The following CARD8 variants were observed in gnomAD, a reference collection of about 807,000 sequenced individuals.
The protein encoded by CARD8 is caspase recruitment domain family member 8.
A neutral mutation model predicts 53.2 loss-of-function variants in CARD8; 38 were observed. That is an observed-to-expected ratio of 0.71 (90% CI 0.55 to 0.94). The LOEUF (loss-of-function observed/expected upper bound fraction) is 0.94. Ranked by LOEUF, CARD8 falls within the 40% of genes least tolerant of loss-of-function variation. The probability of loss-of-function intolerance (pLI) is 0.00; values close to 1 mark genes in which losing one functional copy is unlikely to be tolerated. For missense variants in CARD8, 561 were observed against 655.5 expected, an observed-to-expected ratio of 0.86 and a Z score of 1.57; for synonymous variants, 245 against 244.9, an observed-to-expected ratio of 1.00 and a Z score of 0.00.
rs747448942 is a variant in CARD8 at position 48,230,682 on chromosome 19, G to C, written c.791C>G (p.Ser264Cys). The change falls in exon 10 of 14, where the codon TCC (serine) becomes TGC (cysteine). Residue 264 changes from serine to cysteine, a missense_variant. Transcript: ENST00000651546. Reference sequence around the variant, plus strand: ...CTTAAAATGGGCAACGAGAAACCAGGAGACGTCCACCTCACCTGCTGCAGG... The same window carrying C: ...CTTAAAATGGGCAACGAGAAACCAGCAGACGTCCACCTCACCTGCTGCAGG... ...ISLQAGEVDV[S>C]WFLVAHFKNE... 6.8e-6 allele frequency: 11 copies of C among 1,613,834 alleles called. No individual in the cohort carries two copies. The Admixed American group carries it at 1.0e-4, about 15-fold the overall frequency.
At position 48,241,840 on chromosome 19, in the gene CARD8, T is replaced by C. The variant is rs552539469; in HGVS notation, c.-43-777A>G. Among the ~76,000 whole-genome samples, 126 of 152,308 alleles carry C rather than the reference T, an allele frequency of 8.3e-4. 1 individual carries two copies. The highest frequency in any genetic ancestry group is 2.9e-3 in the African/African-American group (122 of 41,560). On this transcript the variant is annotated intron_variant, in intron 3 of 13. Transcript: ENST00000651546. ...ATTTTTAAAATAATGGCTTTATGGATATATAGTTCACAAACCACACAATTC... is the reference window on the plus strand; with the variant it reads ...ATTTTTAAAATAATGGCTTTATGGACATATAGTTCACAAACCACACAATTC...
At chr19:48,246,524 C>T (rs1455022785) in intron 3 of CARD8, among the ~76,000 whole-genome samples, 1 of 152,010 alleles carries the variant, frequency 6.6e-6, no homozygotes, top group Non-Finnish European at 1.5e-5. Context: ...CTACACATGC[C>T]TGTATTTACT....
chr19:48,217,074 T>C (rs1256722925), intron 12 of CARD8, among the ~76,000 whole-genome samples: 2 of 151,752 alleles, frequency 1.3e-5, no homozygotes, highest in Non-Finnish European at 2.9e-5. Context: ...CACAATAGGG[T>C]TCGCGCTCCT....
chr19:48,249,070 G>A lies in CARD8; in HGVS notation c.-44+453C>T, dbSNP rs548680339. Among the ~76,000 whole-genome samples, 10 of 152,040 alleles carry A rather than the reference G, an allele frequency of 6.6e-5. No homozygotes were observed. The East Asian group carries it at 7.8e-4, about 12-fold the overall frequency. On this transcript the variant is annotated intron_variant, in intron 3 of 13. Transcript: ENST00000651546. Reference sequence around the variant, plus strand: ...AAATTAGTCGTGCGTGGTGGCGGGCGCCTGTCACCCCAGCTACTCGGGAGG... The same window carrying A: ...AAATTAGTCGTGCGTGGTGGCGGGCACCTGTCACCCCAGCTACTCGGGAGG...
chr19:48,220,840 G>A (rs548415175), intron 11 of CARD8, among the ~76,000 whole-genome samples: 1 of 152,036 alleles, frequency 6.6e-6, no homozygotes, highest in Admixed American at 6.6e-5. Context: ...GAACCTGGGA[G>A]GCGGCGGTTG....
Position 48,238,514 on chromosome 19 carries a change from C to T in CARD8, c.78G>A (p.Arg26=), listed in dbSNP as rs1239226364. The T allele has an allele frequency of 6.5e-7, 1 of 1,536,322 alleles. No homozygotes were observed. The highest frequency in any genetic ancestry group is 8.7e-7 in the Non-Finnish European group (1 of 1,146,976). The change falls in exon 5 of 14, where the codon AGG becomes AGA. Residue 26 remains arginine, a synonymous_variant. Transcript: ENST00000651546. ...ELPRRDSGSS[R]NIDASKLIRL... is the part of the protein sequence containing the mutation. ...TAATGAGTTTGGATGCATCTATGTTCCTACTGGATCCACTGTCCCTGGGAA... is the reference window on the plus strand; with the variant it reads ...TAATGAGTTTGGATGCATCTATGTTTCTACTGGATCCACTGTCCCTGGGAA...
chr19:48,246,253 T>C (rs2046089116), intron 3 of CARD8, among the ~76,000 whole-genome samples: 1 of 152,230 alleles, frequency 6.6e-6, no homozygotes, highest in South Asian at 2.1e-4. Flanking sequence ...TCTTCTGTGT[T>C]CAGTCAACAT....
rs970356267 is a variant in CARD8 at position 48,234,365 on chromosome 19, A to G, written c.350+38T>C. On this transcript the variant is annotated intron_variant, in intron 6 of 13. Coordinates refer to ENST00000651546, the MANE Select transcript of CARD8 (RefSeq NM_001184900.3). ...ATGTTCCTCTGTGATATTGAGACACAGCGTCCAATAGTTTTCCAACGGAAT... is the reference window on the plus strand; with the variant it reads ...ATGTTCCTCTGTGATATTGAGACACGGCGTCCAATAGTTTTCCAACGGAAT... 7 of 1,577,280 alleles carry G rather than the reference A, an allele frequency of 4.4e-6. No homozygotes were observed. In the African/African-American group the frequency reaches 6.8e-5, roughly 15 times the overall value.
downstream of CARD8, chr19:48,206,256 T>C: frequency 5.9e-6 from 2 of 337,794 alleles, no homozygotes; most frequent in Non-Finnish European, 1.2e-5. Flanking sequence ...CAGAAGAGTT[T>C]GGTGTTTTGA....
chr19:48,234,243 T>A, intron 6 of CARD8, 160 bp downstream of exon 6: 1 of 684,654 alleles, frequency 1.5e-6, no homozygotes, highest in Non-Finnish European at 2.4e-6. Flanking sequence ...TTGCTTAAGG[T>A]TTGTTTCAAA....
intron 1 of CARD8, among the ~76,000 whole-genome samples, chr19:48,250,573 T>A (rs1002064437): frequency 6.6e-6 from 1 of 152,240 alleles, no homozygotes; most frequent in Admixed American, 6.5e-5. Context: ...TCTAAAAGCA[T>A]TATTGATCAA....
intron 13 of CARD8, among the ~76,000 whole-genome samples, chr19:48,213,590 T>C (rs1423880207): frequency 6.6e-6 from 1 of 152,132 alleles, no homozygotes. Flanking sequence ...GCCAGGCTGG[T>C]CTCAAACTCC....
intron 3 of CARD8, among the ~76,000 whole-genome samples, chr19:48,243,960 CTTCT>C (rs1012367682): frequency 7.6e-4 from 99 of 130,628 alleles, no homozygotes; most frequent in African/African-American, 2.4e-3. Context: ...GGTCTACAGT[CTTCT>C]TTTTTTCATG....
At chr19:48,243,435 CAACTA>C (rs1443495319) in intron 3 of CARD8, among the ~76,000 whole-genome samples, 1 of 152,078 alleles carries the variant, frequency 6.6e-6, no homozygotes, top group Non-Finnish European at 1.5e-5. Context: ...TCACAGGTTC[CAACTA>C]AACAAATATT....
intron 1 of CARD8, among the ~76,000 whole-genome samples, chr19:48,252,045 A>G (rs761490339): frequency 7.9e-5 from 12 of 152,178 alleles, no homozygotes; most frequent in Non-Finnish European, 1.5e-4. Flanking sequence ...TTATTTCATC[A>G]TGCTACCCAA....
chr19:48,223,417 T>C (rs1393636844), intron 10 of CARD8, among the ~76,000 whole-genome samples: 1 of 152,138 alleles, frequency 6.6e-6, no homozygotes. Flanking sequence ...AATTTCATAT[T>C]GTATTGAGCA....
chr19:48,218,726 C>A, intron 12 of CARD8, 145 bp downstream of exon 12: 1 of 841,528 alleles, frequency 1.2e-6, no homozygotes, highest in Non-Finnish European at 1.9e-6. Flanking sequence ...GTTCCCCTCC[C>A]TGTGTCCATG....
At position 48,226,265 on chromosome 19, in the gene CARD8, G is replaced by T. The variant is rs1600295789; in HGVS notation, c.1035+4173C>A. On this transcript the variant is annotated intron_variant, in intron 10 of 13. Coordinates refer to ENST00000651546, the MANE Select transcript of CARD8 (RefSeq NM_001184900.3). The stretch of plus-strand genomic sequence containing the variant: ...TTTATTTAAGACAGAGTTTCGTTCT[G>T]TTGCCTGGAGTGCAGTGGCAAAATC... Among the ~76,000 whole-genome samples, 4 of 152,078 alleles carry T rather than the reference G, an allele frequency of 2.6e-5. 1 individual carries two copies. Among genetic ancestry groups the T allele is most frequent in the Admixed American group, 2.6e-4 (4 of 15,278 alleles).
At chr19:48,241,090 T>C in intron 3 of CARD8, 27 bp from the exon 4 acceptor site, 2 of 1,219,674 alleles carry the variant, frequency 1.6e-6, no homozygotes, top group South Asian at 1.3e-5. Flanking sequence ...AGGTTGTATT[T>C]AGGTACTTGG....
Sources: allele counts gnomAD v4.1 joint callset (sites outside exome capture counted in the v4.1 genomes callset), GRCh38; gene constraint gnomAD v4.1.1; transcripts MANE v1.5; gene names NCBI Gene and HGNC (gene_info 2026-07-23, HGNC 2026-07-21).